The following CSMD1 variants were observed in gnomAD, a reference collection of about 807,000 sequenced individuals.
CSMD1 encodes CUB and Sushi multiple domains 1.
In CSMD1, 213 loss-of-function variants were observed where a neutral mutation model predicts 417.5. The ratio of observed to expected loss-of-function variants is 0.51; its 90% CI spans 0.46 to 0.57. The LOEUF (loss-of-function observed/expected upper bound fraction) is 0.57, where lower values mean the gene tolerates loss of function less well. Among genes scored for constraint, CSMD1 ranks in the 20% least tolerant of loss-of-function variants. The probability of loss-of-function intolerance (pLI) is 0.00; values close to 1 mark genes in which losing one functional copy is unlikely to be tolerated. For missense variants in CSMD1, 6,923 were observed against 4,529.7 expected, an observed-to-expected ratio of 1.53 and a Z score of -15.17; for synonymous variants, 2,862 against 1,736.8, an observed-to-expected ratio of 1.65 and a Z score of -16.11.
intron 5 of CSMD1, among the ~76,000 whole-genome samples, chr8:3,756,039 C>G (rs941855135): frequency 1.3e-5 from 2 of 152,050 alleles, no homozygotes; most frequent in Non-Finnish European, 2.9e-5. Flanking sequence ...CTCACCTGTA[C>G]TTACTGAACT....
chr8:3,142,238 T>G (rs1283531521), intron 41 of CSMD1, among the ~76,000 whole-genome samples: 1 of 152,194 alleles, frequency 6.6e-6, no homozygotes, highest in Non-Finnish European at 1.5e-5. Context: ...AAATCGGCTC[T>G]GTCTGGGCAG....
rs549214760 is a variant in CSMD1, at chr8:4,769,173, G to A, written c.86-131615C>T. Among the ~76,000 whole-genome samples the A allele has an allele frequency of 2.3e-3, 346 of 152,260 alleles. 2 individuals carry two copies. The highest frequency in any genetic ancestry group is 4.1e-3 in the South Asian group (20 of 4,826). On this transcript the variant is annotated intron_variant, in intron 1 of 69. Transcript: ENST00000635120. ...ACCTTTCTTGATTTTAGCTTTGTAA[G>A]ATGTGGCTAATAACACCACATACCT...
chr8:4,162,475 C>A (rs1797230322), intron 3 of CSMD1, among the ~76,000 whole-genome samples: 2 of 152,038 alleles, frequency 1.3e-5, no homozygotes, highest in African/African-American at 4.8e-5. Flanking sequence ...AAAATTTAAG[C>A]CAGTTTGATG....
At chr8:4,367,581 C>A (rs1357575446) in intron 3 of CSMD1, among the ~76,000 whole-genome samples, 2 of 151,902 alleles carry the variant, frequency 1.3e-5, no homozygotes, top group Non-Finnish European at 2.9e-5. Flanking sequence ...AATGGTTTTT[C>A]TTTTTCTAAT....
intron 23 of CSMD1, among the ~76,000 whole-genome samples, chr8:3,338,100 C>T (rs1485424531): frequency 6.6e-6 from 1 of 152,142 alleles, no homozygotes. Context: ...AAAATAAATG[C>T]AAATACAAAA....
At chr8:4,886,307 T>C (rs189356166) in intron 1 of CSMD1, among the ~76,000 whole-genome samples, 1,596 of 152,186 alleles carry the variant, frequency 0.01, 13 homozygotes, top group Non-Finnish European at 0.018. Flanking sequence ...TGCATTTGAA[T>C]ATCTAGTTGT....
intron 5 of CSMD1, among the ~76,000 whole-genome samples, chr8:3,824,547 C>T (rs1033504601): frequency 1.3e-5 from 2 of 152,176 alleles, no homozygotes; most frequent in Non-Finnish European, 2.9e-5. Context: ...AATTAACATG[C>T]ACTGCAAGGG....
chr8:3,529,175 G>GGA (rs779861435), intron 10 of CSMD1, among the ~76,000 whole-genome samples: 1 of 152,112 alleles, frequency 6.6e-6, no homozygotes, highest in Non-Finnish European at 1.5e-5. Context: ...TACTGATTTA[G>GGA]GTCCTACTGT....
At chr8:4,449,902 A>G (rs1216402314) in intron 2 of CSMD1, among the ~76,000 whole-genome samples, 1 of 152,178 alleles carries the variant, frequency 6.6e-6, no homozygotes, top group East Asian at 1.9e-4. Flanking sequence ...TAACATATGT[A>G]TAAAACCTGG....
intron 1 of CSMD1, among the ~76,000 whole-genome samples, chr8:4,873,786 G>C (rs1382386520): frequency 6.6e-6 from 1 of 152,076 alleles, no homozygotes; most frequent in East Asian, 1.9e-4. Flanking sequence ...CACTGTGTTT[G>C]AAGCTGGAAT....
At chr8:4,542,105 C>A (rs1259592073) in intron 2 of CSMD1, among the ~76,000 whole-genome samples, 1 of 152,082 alleles carries the variant, frequency 6.6e-6, no homozygotes, top group African/African-American at 2.4e-5. Flanking sequence ...ATGCTCATTT[C>A]TGGACAATGA....
chr8:4,590,797 C>G (rs1318750178), intron 2 of CSMD1, among the ~76,000 whole-genome samples: 1 of 151,884 alleles, frequency 6.6e-6, no homozygotes, highest in South Asian at 2.1e-4. Context: ...AATTTTTTTC[C>G]TAAAATAATT....
intron 3 of CSMD1, among the ~76,000 whole-genome samples, chr8:4,391,658 T>C (rs868781720): frequency 1.3e-5 from 2 of 152,108 alleles, no homozygotes; most frequent in Non-Finnish European, 1.5e-5. Flanking sequence ...TGGTGAGAAG[T>C]GGGAAGACGG....
chr8:3,932,680 C>T (rs1049405129), intron 5 of CSMD1, among the ~76,000 whole-genome samples: 1 of 150,592 alleles, frequency 6.6e-6, no homozygotes, highest in Middle Eastern at 3.4e-3. Flanking sequence ...GTCCAATAAA[C>T]TCATAAGATC....
At chr8:4,773,655 T>A (rs1006479596) in intron 1 of CSMD1, among the ~76,000 whole-genome samples, 2 of 152,188 alleles carry the variant, frequency 1.3e-5, no homozygotes, top group Non-Finnish European at 2.9e-5. Context: ...AGCACTGCAA[T>A]GTGTTTGTGC....
intron 10 of CSMD1, among the ~76,000 whole-genome samples, chr8:3,536,488 G>A (rs939453866): frequency 6.6e-6 from 1 of 152,150 alleles, no homozygotes; most frequent in Non-Finnish European, 1.5e-5. Flanking sequence ...TGATTAATGG[G>A]GATTATGTTT....
chr8:3,626,416 A>C (rs992784730), intron 7 of CSMD1, among the ~76,000 whole-genome samples: 1 of 152,206 alleles, frequency 6.6e-6, no homozygotes, highest in Non-Finnish European at 1.5e-5. Flanking sequence ...CTTTGCATAG[A>C]ATCTGTAATT....
At chr8:4,236,039 G>GTTTTTTTTTTTTTTT (rs869245155) in intron 3 of CSMD1, among the ~76,000 whole-genome samples, 23 of 31,706 alleles carry the variant, frequency 7.3e-4, no homozygotes, top group African/African-American at 1.6e-3. Context: ...TTTTTTGTTT[G>GTTTTTTTTTTTTTTT]TTTTTTTTTT....
chr8:4,863,602 C>T (rs771186233), intron 1 of CSMD1, among the ~76,000 whole-genome samples: 1 of 152,104 alleles, frequency 6.6e-6, no homozygotes, highest in South Asian at 2.1e-4. Context: ...TTCATATTCT[C>T]ACAAAAACAA....
Sources: allele counts gnomAD v4.1 joint callset (sites outside exome capture counted in the v4.1 genomes callset), GRCh38; gene constraint gnomAD v4.1.1; transcripts MANE v1.5; gene names NCBI Gene and HGNC (gene_info 2026-07-23, HGNC 2026-07-21).